Variants in SLC35F3 observed in about 807,000 individuals in gnomAD.
SLC35F3 encodes the protein putative thiamine transporter SLC35F3.
A neutral mutation model predicts 49.9 loss-of-function variants in SLC35F3; 25 were observed. The observed-to-expected ratio is 0.50, with a 90% confidence interval of 0.37 to 0.70. The LOEUF is 0.70. SLC35F3 is among the 30% of genes least tolerant of loss of function. The pLI is 0.00. For synonymous variants in SLC35F3, 275 were observed against 265.4 expected (o/e 1.04, Z -0.35); for missense variants, 525 against 639.8 (o/e 0.82, Z 1.94).
At position 234,214,534 on chromosome 1, in the gene SLC35F3, C is replaced by T; in HGVS notation, c.284-16883C>T. 3 of 1,558,152 alleles carry T rather than the reference C, an allele frequency of 1.9e-6. No homozygotes were observed. The highest frequency in any genetic ancestry group is 1.2e-5 in the South Asian group (1 of 83,344). ...ACTCGGCCCGGGTGGCCCCGCTCAG[C>T]GCCTGCAACAGTCCGGTCCTGACCC... On this transcript the variant is annotated intron_variant, in intron 2 of 7. Transcript: ENST00000366618. The surrounding 1 kb of genome is among the most constrained non-coding windows in gnomAD (Gnocchi z 8.0).
At chr1:234,266,150 C>A (rs1278991196) in intron 3 of SLC35F3, among the ~76,000 whole-genome samples, 2 of 152,202 alleles carry the variant, frequency 1.3e-5, no homozygotes, top group Non-Finnish European at 2.9e-5. Context: ...TTGTTTTATT[C>A]ACTGCTGTAT....
Position 234,076,651 on chromosome 1 carries a change from G to A in SLC35F3, c.284-154766G>A, listed in dbSNP as rs553555342. On this transcript the variant is annotated intron_variant, in intron 2 of 7. Transcript: ENST00000366618. ...TAATTTTTGTATTTTAGTAGAGATG[G>A]GGTTTCACCATGTTGGCCAGGCTGT... is the stretch of plus-strand genomic sequence containing the variant. Among the ~76,000 whole-genome samples the A allele has an allele frequency of 3.9e-5, 6 of 152,060 alleles. No homozygotes were observed. In the South Asian group the frequency reaches 1.2e-3, roughly 32 times the overall value.
Position 234,320,526 on chromosome 1 carries a change from A to G in SLC35F3, c.1237+339A>G, listed in dbSNP as rs550887247. 2.6e-5 allele frequency among the ~76,000 whole-genome samples: 4 copies of G among 152,302 alleles called. No homozygotes were observed. The highest frequency in any genetic ancestry group is 9.6e-5 in the African/African-American group (4 of 41,562). On this transcript the variant is annotated intron_variant, in intron 7 of 7. Transcript: ENST00000366618. The surrounding 1 kb of genome is among the most constrained non-coding windows in gnomAD (Gnocchi z 4.8). ...TAAAGGCATCTTGATTCTAACTGGT[A>G]TGGGGAGCAGAATGAATCTCATCAG...
At position 234,266,884 on chromosome 1, in the gene SLC35F3, T is replaced by TG. The variant is rs1553259696; in HGVS notation, c.608+35143_608+35144insG. Among the ~76,000 whole-genome samples, 17 of 149,054 alleles carry TG rather than the reference T, an allele frequency of 1.1e-4. 1 individual carries two copies. Among genetic ancestry groups the TG allele is most frequent in the East Asian group, 3.9e-4 (2 of 5,088 alleles). Reference sequence around the variant, plus strand: ...ATATGAAGCACATGGTTTTTTTTTTTTTTTTTTTTTTTTATTGATCATTCT... The same window carrying TG: ...ATATGAAGCACATGGTTTTTTTTTTTGTTTTTTTTTTTTTATTGATCATTCT... On this transcript the variant is annotated intron_variant, in intron 3 of 7. Coordinates refer to ENST00000366618, the MANE Select transcript of SLC35F3 (RefSeq NM_173508.4).
intron 2 of SLC35F3, among the ~76,000 whole-genome samples, chr1:234,018,447 C>G (rs1306887562): frequency 1.3e-5 from 2 of 152,132 alleles, no homozygotes; most frequent in African/African-American, 4.8e-5. Flanking sequence ...TGATTGTCCC[C>G]CAATTTTCCT....
At chr1:233,924,722 G>A (rs1662128507) in intron 2 of SLC35F3, among the ~76,000 whole-genome samples, 1 of 152,150 alleles carries the variant, frequency 6.6e-6, no homozygotes, top group African/African-American at 2.4e-5. Flanking sequence ...TAATTGTGAT[G>A]TTATGGTGTC....
At chr1:234,145,616 T>G (rs895686749) in intron 2 of SLC35F3, among the ~76,000 whole-genome samples, 1 of 151,602 alleles carries the variant, frequency 6.6e-6, no homozygotes, top group Non-Finnish European at 1.5e-5. Context: ...CTGTATAGAC[T>G]TTTTTTTCTT....
chr1:234,023,717 G>A (rs2102844364), intron 2 of SLC35F3, among the ~76,000 whole-genome samples: 1 of 152,098 alleles, frequency 6.6e-6, no homozygotes, highest in African/African-American at 2.4e-5. Flanking sequence ...ACATCATGCT[G>A]GTAAGTCACG....
intron 3 of SLC35F3, among the ~76,000 whole-genome samples, chr1:234,300,565 A>T (rs1668677115): frequency 1.3e-5 from 2 of 152,262 alleles, no homozygotes; most frequent in Admixed American, 1.3e-4. Flanking sequence ...CTAGTGAAGA[A>T]GTTGGACAAT....
rs113141421 is a variant in SLC35F3 at position 234,111,427 on chromosome 1, G to A, written c.284-119990G>A. ...CTGCCTCAGCCTCCTGAGTAGCTGG[G>A]ATTACAAGTGTGCACCACCATGCCT... On this transcript the variant is annotated intron_variant, in intron 2 of 7. Transcript: ENST00000366618. 4.4e-3 allele frequency among the ~76,000 whole-genome samples: 664 copies of A among 152,286 alleles called. 6 individuals carry two copies. Among genetic ancestry groups the A allele is most frequent in the African/African-American group, 0.015 (618 of 41,554 alleles).
intron 2 of SLC35F3, among the ~76,000 whole-genome samples, chr1:233,918,761 C>T (rs951341151): frequency 4.7e-5 from 7 of 149,266 alleles, no homozygotes; most frequent in African/African-American, 9.9e-5. Context: ...AGTGAGACTC[C>T]GTCTCTCTCT....
At chr1:234,089,331 C>T (rs538910526) in intron 2 of SLC35F3, among the ~76,000 whole-genome samples, 8 of 152,122 alleles carry the variant, frequency 5.3e-5, no homozygotes, top group African/African-American at 9.7e-5. Context: ...TGTGGAAGGA[C>T]GGCATTAGGG....
At chr1:234,144,043 G>A (rs903960929) in intron 2 of SLC35F3, among the ~76,000 whole-genome samples, 14 of 152,108 alleles carry the variant, frequency 9.2e-5, no homozygotes, top group South Asian at 4.1e-4. Flanking sequence ...CTGCCACTGC[G>A]CAGTGAAGGA....
At chr1:234,236,261 C>A (rs774379049) in intron 3 of SLC35F3, among the ~76,000 whole-genome samples, 4 of 151,900 alleles carry the variant, frequency 2.6e-5, no homozygotes, top group Non-Finnish European at 5.9e-5. Flanking sequence ...GGCAACATGG[C>A]AAAACCCTGT....
intron 2 of SLC35F3, among the ~76,000 whole-genome samples, chr1:234,068,406 C>A (rs775271483): frequency 2.0e-5 from 3 of 152,088 alleles, no homozygotes; most frequent in Non-Finnish European, 2.9e-5. Context: ...GGTAAGTTAG[C>A]CCTGACTCTC....
At chr1:233,937,137 C>T (rs1350345657) in intron 2 of SLC35F3, among the ~76,000 whole-genome samples, 1 of 152,126 alleles carries the variant, frequency 6.6e-6, no homozygotes, top group African/African-American at 2.4e-5. Context: ...GATACTTCCT[C>T]AAGTTTCATA....
intron 3 of SLC35F3, among the ~76,000 whole-genome samples, chr1:234,269,238 T>C (rs1306264047): frequency 1.3e-5 from 2 of 152,180 alleles, no homozygotes; most frequent in Non-Finnish European, 2.9e-5. Flanking sequence ...GATATTGAAC[T>C]GTTAACAGAA....
intron 2 of SLC35F3, among the ~76,000 whole-genome samples, chr1:233,973,555 T>C (rs1663028738): frequency 6.6e-6 from 1 of 152,232 alleles, no homozygotes; most frequent in Non-Finnish European, 1.5e-5. Flanking sequence ...CAGAGTCTTG[T>C]GAGACATGGT....
chr1:234,107,469 G>A (rs1011095092), intron 2 of SLC35F3, among the ~76,000 whole-genome samples: 1 of 151,864 alleles, frequency 6.6e-6, no homozygotes, highest in African/African-American at 2.4e-5. Flanking sequence ...GTGCCAGCAG[G>A]GTTGCTATTA....
Sources: gnomAD v4.1 joint callset for allele counts (sites outside exome capture counted in the v4.1 genomes callset) on GRCh38, gnomAD v4.1.1 for gene constraint, Gnocchi (gnomAD v3.1) non-coding constraint, MANE v1.5 for transcripts, NCBI Gene and HGNC (gene_info 2026-07-23, HGNC 2026-07-21) for gene names.